SPATA45: variants seen among roughly 807,000 people sequenced by gnomAD.
The protein encoded by SPATA45 is spermatogenesis associated 45.
SPATA45 carries 5 observed loss-of-function variants against 7.0 expected under a neutral mutation model. The observed-to-expected ratio is 0.71, with a 90% CI of 0.37 to 1.50. SPATA45 has a LOEUF of 1.50. Ranked by LOEUF, SPATA45 falls within the 40% of genes most tolerant of loss-of-function variation. The pLI, the probability that SPATA45 is intolerant of heterozygous loss-of-function variation, is 0.03. For missense variants in SPATA45, 111 were observed against 114.9 expected (o/e 0.97, Z 0.16); for synonymous variants, 40 against 38.7 (o/e 1.03, Z -0.13).
chr1:212,837,831 T>A (rs1181638906), intron 1 of SPATA45, among the ~76,000 whole-genome samples: 1 of 151,664 alleles, frequency 6.6e-6, no homozygotes, highest in Non-Finnish European at 1.5e-5. Flanking sequence ...TGATAAATGA[T>A]ACAGTCCACA....
intron 1 of SPATA45, among the ~76,000 whole-genome samples, chr1:212,840,766 C>T (rs1663666962): frequency 6.6e-6 from 1 of 151,618 alleles, no homozygotes; most frequent in Non-Finnish European, 1.5e-5. Context: ...TACAGGCGTC[C>T]GCCACCACGC....
intron 1 of SPATA45, among the ~76,000 whole-genome samples, chr1:212,846,415 T>C (rs1233056857): frequency 6.6e-6 from 1 of 152,180 alleles, no homozygotes; most frequent in Non-Finnish European, 1.5e-5. Flanking sequence ...TAAGCCATCA[T>C]ATCCCCTGTG....
At chr1:212,842,146 G>A (rs1382342802) in intron 1 of SPATA45, among the ~76,000 whole-genome samples, 1 of 152,002 alleles carries the variant, frequency 6.6e-6, no homozygotes, top group Non-Finnish European at 1.5e-5. Context: ...GGGAGGCCGA[G>A]GCGGGTGGAT....
rs376309743 is a variant in SPATA45 at position 212,841,964 on chromosome 1, T to C, written c.-39+5616A>G. On this transcript the variant is annotated intron_variant, in intron 1 of 2. Coordinates refer to ENST00000332912, the MANE Select transcript of SPATA45 (RefSeq NM_001024601.3). ...TAGTAGAGAGGGGGTTTTCACCATGTTGGCCAGGCTGGTCTTGAACTCCTG... is the reference window on the plus strand; with the variant it reads ...TAGTAGAGAGGGGGTTTTCACCATGCTGGCCAGGCTGGTCTTGAACTCCTG... Among the ~76,000 whole-genome samples the C allele has an allele frequency of 1.2e-4, 18 of 152,014 alleles. No homozygotes were observed. In the East Asian group the frequency reaches 1.6e-3, roughly 13 times the overall value.
chr1:212,831,790 G>A (rs74140511), intron 2 of SPATA45, among the ~76,000 whole-genome samples: 3,053 of 151,170 alleles, frequency 0.02, 114 homozygotes, highest in African/African-American at 0.066. Context: ...CGCTAGGTTC[G>A]ACCATCAGGA....
chr1:212,846,997 T>A (rs1663809695), intron 1 of SPATA45, among the ~76,000 whole-genome samples: 1 of 151,746 alleles, frequency 6.6e-6, no homozygotes, highest in Non-Finnish European at 1.5e-5. Flanking sequence ...GCTCAGGTGA[T>A]CCCCCCACCT....
chr1:212,838,742 C>A (rs1297629215), intron 1 of SPATA45, among the ~76,000 whole-genome samples: 1 of 151,520 alleles, frequency 6.6e-6, no homozygotes, highest in African/African-American at 2.4e-5. Context: ...CTTTCTGTCA[C>A]CCAGGCTAGA....
At chr1:212,842,668 G>T (rs1466176021) in intron 1 of SPATA45, among the ~76,000 whole-genome samples, 3 of 152,108 alleles carry the variant, frequency 2.0e-5, no homozygotes, top group Non-Finnish European at 4.4e-5. Context: ...GTTTCCTGAT[G>T]TGTTAAATGA....
At chr1:212,839,731 G>T (rs1273684781) in intron 1 of SPATA45, among the ~76,000 whole-genome samples, 1 of 151,604 alleles carries the variant, frequency 6.6e-6, no homozygotes. Context: ...GATTACAAGG[G>T]ATATGAATAA....
chr1:212,846,320 C>T (rs1663793665), intron 1 of SPATA45, among the ~76,000 whole-genome samples: 1 of 152,148 alleles, frequency 6.6e-6, no homozygotes, highest in Admixed American at 6.6e-5. Context: ...AAAGTTTTCG[C>T]TGCCTCAACA....
At chr1:212,838,557 T>C (rs1018539955) in intron 1 of SPATA45, among the ~76,000 whole-genome samples, 2 of 151,760 alleles carry the variant, frequency 1.3e-5, no homozygotes, top group Non-Finnish European at 2.9e-5. Context: ...GATCCATTCC[T>C]AGGTATTTAC....
chr1:212,843,973 C>A (rs1291531098), intron 1 of SPATA45, among the ~76,000 whole-genome samples: 1 of 152,060 alleles, frequency 6.6e-6, no homozygotes, highest in African/African-American at 2.4e-5. Flanking sequence ...CCCCATAAAT[C>A]CTAAATCCTT....
chr1:212,846,157 G>A (rs770109078), intron 1 of SPATA45, among the ~76,000 whole-genome samples: 4 of 151,800 alleles, frequency 2.6e-5, no homozygotes, highest in Admixed American at 6.6e-5. Context: ...CATTCTATAC[G>A]ACAAATGCCC....
intron 1 of SPATA45, among the ~76,000 whole-genome samples, chr1:212,846,467 T>A (rs1663796787): frequency 6.6e-6 from 1 of 152,128 alleles, no homozygotes. Context: ...CAACTGAATA[T>A]CCACAAAAGA....
chr1:212,842,206 G>A (rs1663702592), intron 1 of SPATA45, among the ~76,000 whole-genome samples: 1 of 150,924 alleles, frequency 6.6e-6, no homozygotes, highest in Non-Finnish European at 1.5e-5. Context: ...GGTGAAACCC[G>A]GTCTCTACTG....
Position 212,837,388 on chromosome 1 carries a change from C to T in SPATA45, c.-38-1201G>A, listed in dbSNP as rs1044963422. Reference sequence around the variant, plus strand: ...GTGGCTCATGCCTGTAATCCCAGCACGTTGGGAGGCCAAGGCGGGCAGATC... The same window carrying T: ...GTGGCTCATGCCTGTAATCCCAGCATGTTGGGAGGCCAAGGCGGGCAGATC... On this transcript the variant is annotated intron_variant, in intron 1 of 2. Transcript: ENST00000332912. Among the ~76,000 whole-genome samples the T allele has an allele frequency of 1.1e-4, 16 of 151,488 alleles. 1 individual carries two copies. Among genetic ancestry groups the T allele is most frequent in the East Asian group, 1.9e-4 (1 of 5,168 alleles).
At chr1:212,842,411 A>C (rs954136576) in intron 1 of SPATA45, among the ~76,000 whole-genome samples, 25 of 152,138 alleles carry the variant, frequency 1.6e-4, no homozygotes, top group African/African-American at 5.3e-4. Flanking sequence ...ATAAAAGCCC[A>C]TTTTATAGGT....
rs537614197 is a variant in SPATA45, at chr1:212,846,384, G to A, written c.-39+1196C>T. ...TATTATAATATAAGAAGACAGGAAT[G>A]TCAGGCCTCTGAGCCCAAGCTAAGC... On this transcript the variant is annotated intron_variant, in intron 1 of 2. Transcript: ENST00000332912. Among the ~76,000 whole-genome samples, 80 of 152,234 alleles carry A rather than the reference G, an allele frequency of 5.3e-4. No homozygotes were observed. The Middle Eastern group carries it at 0.01, about 19-fold the overall frequency.
At chr1:212,831,546 A>AGGT (rs1377328081) in intron 2 of SPATA45, among the ~76,000 whole-genome samples, 3 of 151,000 alleles carry the variant, frequency 2.0e-5, no homozygotes, top group Non-Finnish European at 4.4e-5. Context: ...ACTTGAACCC[A>AGGT]GGTGTTTTTA....
Sources: allele counts gnomAD v4.1 joint callset (sites outside exome capture counted in the v4.1 genomes callset), GRCh38; gene constraint gnomAD v4.1.1; transcripts MANE v1.5; gene names NCBI Gene and HGNC (gene_info 2026-07-23, HGNC 2026-07-21).